Variants in IGF1R observed in about 807,000 individuals in gnomAD.
IGF1R encodes insulin like growth factor 1 receptor, also known as insulin-like growth factor 1 receptor.
A neutral mutation model predicts 144.6 loss-of-function variants in IGF1R; 44 were observed. The observed-to-expected ratio is 0.30, with a 90% CI of 0.24 to 0.39. The LOEUF is 0.39. Ranked by LOEUF, IGF1R falls within the 10% of genes least tolerant of loss-of-function variation. IGF1R has a pLI of 1.00. For synonymous variants in IGF1R, 795 were observed against 722.8 expected, an observed-to-expected ratio of 1.10 and a Z score of -1.60; for missense variants, 1,355 against 1,833.7, an observed-to-expected ratio of 0.74 and a Z score of 4.77.
At position 98,903,398 on chromosome 15, in the gene IGF1R, C is replaced by T. The variant is rs547795482; in HGVS notation, c.1247+3777C>T. The stretch of plus-strand genomic sequence containing the variant: ...TTTCTATGCTTTTGTTCCTACCACT[C>T]GACTGTGCAACACGCAGTGCTTTGT... On this transcript the variant is annotated intron_variant, in intron 5 of 20. Transcript: ENST00000650285. Among the ~76,000 whole-genome samples the T allele has an allele frequency of 1.1e-3, 168 of 152,306 alleles. 1 individual carries two copies. Among genetic ancestry groups the T allele is most frequent in the Admixed American group, 1.9e-3 (29 of 15,298 alleles).
intron 2 of IGF1R, among the ~76,000 whole-genome samples, chr15:98,728,212 G>C (rs948971123): frequency 6.6e-6 from 1 of 152,134 alleles, no homozygotes; most frequent in Middle Eastern, 3.4e-3. Context: ...GGGCTTCTTG[G>C]TGAAAAGTGA....
chr15:98,698,138 A>T (rs1436752634), intron 1 of IGF1R, among the ~76,000 whole-genome samples: 1 of 150,236 alleles, frequency 6.7e-6, no homozygotes, highest in Admixed American at 6.6e-5. Context: ...TCCCAGGTTG[A>T]AGTGATTCTT....
chr15:98,781,224 TAAA>T (rs2055854769), intron 2 of IGF1R, among the ~76,000 whole-genome samples: 1 of 152,244 alleles, frequency 6.6e-6, no homozygotes, highest in Non-Finnish European at 1.5e-5. Flanking sequence ...ATTTATAATT[TAAA>T]AACAATTTTA....
chr15:98,794,059 A>G (rs1829288037), intron 2 of IGF1R, among the ~76,000 whole-genome samples: 1 of 152,200 alleles, frequency 6.6e-6, no homozygotes, highest in Non-Finnish European at 1.5e-5. Flanking sequence ...ATTCCTCCCT[A>G]GAAAGGAAAT....
chr15:98,758,113 T>C (rs906463289), intron 2 of IGF1R, among the ~76,000 whole-genome samples: 1 of 152,214 alleles, frequency 6.6e-6, no homozygotes, highest in African/African-American at 2.4e-5. Flanking sequence ...TCTTATTCCT[T>C]GCTCTTGGGC....
At chr15:98,779,593 C>G (rs1314054481) in intron 2 of IGF1R, among the ~76,000 whole-genome samples, 2 of 152,222 alleles carry the variant, frequency 1.3e-5, no homozygotes, top group African/African-American at 4.8e-5. Context: ...TGAAATTTTA[C>G]TGTTTTGAGC....
At chr15:98,905,807 C>T (rs767286595) in intron 5 of IGF1R, among the ~76,000 whole-genome samples, 3 of 152,146 alleles carry the variant, frequency 2.0e-5, no homozygotes, top group African/African-American at 4.8e-5. Context: ...ATAACTTTAG[C>T]GTATGCATAT....
intron 2 of IGF1R, among the ~76,000 whole-genome samples, chr15:98,877,157 G>A (rs1377607759): frequency 6.6e-6 from 1 of 152,130 alleles, no homozygotes; most frequent in Admixed American, 6.6e-5. Flanking sequence ...ATTATGACAG[G>A]GAGAGGGACC....
chr15:98,686,589 C>A (rs2053334513), intron 1 of IGF1R, among the ~76,000 whole-genome samples: 1 of 151,948 alleles, frequency 6.6e-6, no homozygotes, highest in Admixed American at 6.6e-5. Context: ...AGTAGCTATC[C>A]ATTCTAATGG....
chr15:98,906,529 C>T (rs935313373), intron 5 of IGF1R, among the ~76,000 whole-genome samples: 3 of 152,230 alleles, frequency 2.0e-5, no homozygotes, highest in Non-Finnish European at 4.4e-5. Context: ...CATGGAGCCC[C>T]TCTGACCTCC....
Position 98,883,911 on chromosome 15 carries a change from C to T in IGF1R, c.641-7414C>T, listed in dbSNP as rs905202625. ...AAGACCAGACAGAAGGCAGCAAAAA[C>T]CAACCCTTTGTTGAAAACTCTTTGC... On this transcript the variant is annotated intron_variant, in intron 2 of 20. Transcript: ENST00000650285. 3.9e-5 allele frequency among the ~76,000 whole-genome samples: 6 copies of T among 152,288 alleles called. No individual in the cohort carries two copies. The East Asian group carries it at 1.2e-3, about 29-fold the overall frequency.
At chr15:98,685,236 T>C (rs568602555) in intron 1 of IGF1R, among the ~76,000 whole-genome samples, 1 of 152,304 alleles carries the variant, frequency 6.6e-6, no homozygotes, top group East Asian at 1.9e-4. Context: ...TGAGCCACCA[T>C]GCCCGGCTGG....
intron 2 of IGF1R, among the ~76,000 whole-genome samples, chr15:98,867,828 A>G (rs1192893854): frequency 6.6e-6 from 1 of 152,248 alleles, no homozygotes; most frequent in African/African-American, 2.4e-5. Flanking sequence ...TGTGAATTGT[A>G]GTATTTTTAA....
rs942881894 is a variant in IGF1R at position 98,649,341 on chromosome 15, G to A, written c.-241G>A. ...CGCGCCTCGGGTTCCCGACTCCGCC[G>A]AGCCCTGGGCCGCTGCTGCCGGCGC... On this transcript the variant is annotated 5_prime_UTR_variant, in exon 1 of 21. Transcript: ENST00000650285. The A allele has an allele frequency of 1.9e-5, 4 of 215,076 alleles. No individual in the cohort carries two copies. Among genetic ancestry groups the A allele is most frequent in the Non-Finnish European group, 2.8e-5 (3 of 108,388 alleles). 13.3% of individuals were successfully genotyped at this position (215,076 alleles called of 1,614,324 possible).
chr15:98,917,740 A>G (rs1037599346), intron 10 of IGF1R, among the ~76,000 whole-genome samples: 3 of 152,230 alleles, frequency 2.0e-5, no homozygotes, highest in African/African-American at 7.2e-5. Context: ...ACAAAAGGAC[A>G]GATAGTGTAT....
intron 5 of IGF1R, among the ~76,000 whole-genome samples, chr15:98,906,615 G>A (rs373760018): frequency 1.3e-5 from 2 of 152,380 alleles, no homozygotes; most frequent in South Asian, 2.1e-4. Context: ...AGTAGCGCCA[G>A]CTGGGCCATA....
At chr15:98,831,856 A>G (rs2057007152) in intron 2 of IGF1R, among the ~76,000 whole-genome samples, 2 of 152,086 alleles carry the variant, frequency 1.3e-5, no homozygotes, top group African/African-American at 4.8e-5. Context: ...TGCATTCCTC[A>G]GTCTTGAGCT....
intron 2 of IGF1R, among the ~76,000 whole-genome samples, chr15:98,805,357 C>T (rs2056449318): frequency 6.6e-6 from 1 of 152,096 alleles, no homozygotes; most frequent in South Asian, 2.1e-4. Context: ...TCATTTTTCA[C>T]AGAGCTACTG....
chr15:98,912,570 T>A (rs2015070628), intron 7 of IGF1R, among the ~76,000 whole-genome samples: 1 of 152,262 alleles, frequency 6.6e-6, no homozygotes, highest in African/African-American at 2.4e-5. Context: ...ATCTGGAAAC[T>A]AAATATTTGA....
Sources: allele counts gnomAD v4.1 joint callset (sites outside exome capture counted in the v4.1 genomes callset), GRCh38; gene constraint gnomAD v4.1.1; transcripts MANE v1.5; gene names NCBI Gene and HGNC (gene_info 2026-07-23, HGNC 2026-07-21).